The following NMRAL1 variants were observed in gnomAD, a reference collection of about 807,000 sequenced individuals.
NMRAL1 encodes NmrA like redox sensor 1, also known as nmrA-like family domain-containing protein 1.
NMRAL1 carries 32 observed loss-of-function variants against 27.5 expected under a neutral mutation model. The observed-to-expected ratio is 1.16, with a 90% CI of 0.88 to 1.56. The LOEUF (loss-of-function observed/expected upper bound fraction) is 1.56, where lower values mean the gene tolerates loss of function less well. Among genes scored for constraint, NMRAL1 ranks in the 40% most tolerant of loss-of-function variants. The pLI is 0.00. For synonymous variants in NMRAL1, 166 were observed against 166.8 expected (o/e 1.00, Z 0.04); for missense variants, 420 against 392.0 (o/e 1.07, Z -0.60).
chr16:4,474,521 G>A (rs757136960), intron 1 of NMRAL1, 33 bp downstream of exon 1: 43 of 178,380 alleles, frequency 2.4e-4, no homozygotes, highest in Admixed American at 4.9e-4. Flanking sequence ...TGCGCGCTAG[G>A]CGCCAACTCC....
At chr16:4,463,436 C>T (rs1032868118) in intron 5 of NMRAL1, 21 of 544,460 alleles carry the variant, frequency 3.9e-5, no homozygotes, top group Non-Finnish European at 6.0e-5. Context: ...TCCTATGGCC[C>T]TCTCCTCCTG....
In NMRAL1 at chr16:4,465,064, C is replaced by T. The variant is rs148154909; in HGVS notation, c.529+1089G>A. On this transcript the variant is annotated intron_variant, in intron 4 of 5. Transcript: ENST00000283429. Reference sequence around the variant, plus strand: ...CTGGGATTACAGGCGTGCACCACCACGCCAGGCTGGCTAATTTTTGTATTT... The same window carrying T: ...CTGGGATTACAGGCGTGCACCACCATGCCAGGCTGGCTAATTTTTGTATTT... Among the ~76,000 whole-genome samples, 384 of 152,178 alleles carry T rather than the reference C, an allele frequency of 2.5e-3. 4 individuals are homozygous for T. Among genetic ancestry groups the T allele is most frequent in the African/African-American group, 9.0e-3 (372 of 41,498 alleles).
At chr16:4,468,928 A>T (rs537356421) in intron 3 of NMRAL1, among the ~76,000 whole-genome samples, 1 of 151,658 alleles carries the variant, frequency 6.6e-6, no homozygotes, top group Admixed American at 6.6e-5. Context: ...AATCTAAAAT[A>T]AAAGTGGAAA....
rs1422938624 is a variant in NMRAL1, at chr16:4,474,077, C to T, written c.40+16G>A. ...GCCCTGGCTCTGCAAGGGCCCCAGT[C>T]TGGGGTTTGGCTCACCTGTGCCTCC... On this transcript the variant is annotated intron_variant, in intron 2 of 5. Coordinates refer to ENST00000283429, the MANE Select transcript of NMRAL1 (RefSeq NM_020677.6). 4 of 1,608,752 alleles carry T rather than the reference C, an allele frequency of 2.5e-6. No homozygotes were observed. The highest frequency in any genetic ancestry group is 1.3e-5 in the African/African-American group (1 of 74,820).
upstream of NMRAL1, chr16:4,476,219 C>T (rs917551703): frequency 6.6e-6 from 1 of 152,332 alleles, no homozygotes; most frequent in African/African-American, 2.4e-5. Flanking sequence ...GTGTTCCTGC[C>T]GAAGCACGCC....
At chr16:4,467,624 T>C (rs895313317) in intron 3 of NMRAL1, among the ~76,000 whole-genome samples, 1 of 151,792 alleles carries the variant, frequency 6.6e-6, no homozygotes, top group African/African-American at 2.4e-5. Context: ...TCTGTGGTTT[T>C]TGTTTTTGTT....
intron 5 of NMRAL1, 62 bp from the exon 6 acceptor site, chr16:4,462,021 G>A: frequency 6.9e-7 from 1 of 1,453,602 alleles, no homozygotes; most frequent in South Asian, 1.3e-5. Flanking sequence ...TGGCGGGGCA[G>A]GGAGGCCGGA....
At chr16:4,464,818 A>G (rs754079869) in intron 4 of NMRAL1, among the ~76,000 whole-genome samples, 4 of 151,602 alleles carry the variant, frequency 2.6e-5, no homozygotes, top group Non-Finnish European at 5.9e-5. Context: ...GGTTTCACCA[A>G]GTTAGCCATG....
At chr16:4,466,681 G>A (rs1000825111) in intron 3 of NMRAL1, 3 of 465,728 alleles carry the variant, frequency 6.4e-6, no homozygotes, top group African/African-American at 5.9e-5. Flanking sequence ...GGCCTGCATG[G>A]AGGTCTAAAG....
intron 1 of NMRAL1, 67 bp downstream of exon 1, chr16:4,474,487 C>G (rs1372175077): frequency 1.5e-5 from 4 of 266,652 alleles, no homozygotes; most frequent in Non-Finnish European, 2.2e-5. Context: ...GCGGCCGAGT[C>G]CACTGCAGAG....
chr16:4,469,467 T>A lies in NMRAL1; in HGVS notation c.41-2A>T. ...GGGCCACGGAGCCACCCTGGGCACC[T>A]ACAAAGAATCAAAAAGACCTCTCAG... On this transcript the variant is annotated splice_acceptor_variant, in intron 2 of 5. Transcript: ENST00000283429. LOFTEE classifies it high-confidence loss of function. The A allele has an allele frequency of 6.2e-7, 1 of 1,613,166 alleles. No homozygotes were observed. The highest frequency in any genetic ancestry group is 8.5e-7 in the Non-Finnish European group (1 of 1,179,330).
intron 5 of NMRAL1, chr16:4,463,359 T>A: frequency 2.1e-6 from 1 of 474,832 alleles, no homozygotes; most frequent in East Asian, 4.0e-5. Context: ...CAGACTCTTT[T>A]CTCTTCAAAT....
intron 1 of NMRAL1, 158 bp downstream of exon 1, chr16:4,474,396 G>C (rs2057743874): frequency 2.1e-6 from 1 of 480,972 alleles, no homozygotes; most frequent in Non-Finnish European, 3.8e-6. Flanking sequence ...CCCGCCCCCC[G>C]GCCCGGGTCC....
chr16:4,468,973 T>TAAAAAAAA (rs34547583), intron 3 of NMRAL1, among the ~76,000 whole-genome samples: 1 of 144,632 alleles, frequency 6.9e-6, no homozygotes, highest in Admixed American at 6.9e-5. Flanking sequence ...CATTTTTGAT[T>TAAAAAAAA]AAAAAAAAAA....
intron 3 of NMRAL1, chr16:4,467,087 A>G (rs1311826147): frequency 2.0e-5 from 3 of 152,272 alleles, no homozygotes; most frequent in African/African-American, 7.2e-5. Context: ...TAACCAGGGT[A>G]CTTATAAGAG....
chr16:4,463,106 C>T (rs895478642), intron 5 of NMRAL1, among the ~76,000 whole-genome samples: 11 of 152,162 alleles, frequency 7.2e-5, no homozygotes, highest in Non-Finnish European at 1.0e-4. Context: ...CCACCTGCCT[C>T]GGCCTCCCAA....
chr16:4,466,528 C>G, intron 3 of NMRAL1, 126 bp from the exon 4 acceptor site: 2 of 832,196 alleles, frequency 2.4e-6, no homozygotes, highest in East Asian at 2.6e-5. Flanking sequence ...CCCACTTACC[C>G]TTGAGGAGGC....
At chr16:4,468,338 C>T (rs971435367) in intron 3 of NMRAL1, among the ~76,000 whole-genome samples, 2 of 150,736 alleles carry the variant, frequency 1.3e-5, no homozygotes, top group African/African-American at 4.9e-5. Flanking sequence ...AGCTCAGGGC[C>T]GGGCATGTGG....
intron 3 of NMRAL1, chr16:4,466,828 GA>G: frequency 9.6e-6 from 2 of 208,148 alleles, no homozygotes; most frequent in Non-Finnish European, 2.0e-5. Context: ...TGCCATGTAC[GA>G]GCAGTGTGAC....
Sources: gnomAD v4.1 joint callset for allele counts (sites outside exome capture counted in the v4.1 genomes callset) on GRCh38, gnomAD v4.1.1 for gene constraint, MANE v1.5 for transcripts, NCBI Gene and HGNC (gene_info 2026-07-23, HGNC 2026-07-21) for gene names.